WDR27: variants seen among roughly 807,000 people sequenced by gnomAD.
The protein encoded by WDR27 is WD repeat-containing protein 27.
In WDR27, 100 loss-of-function variants were observed where a neutral mutation model predicts 114.4. The ratio of observed to expected loss-of-function variants is 0.87; its 90% CI spans 0.74 to 1.03. WDR27 has a LOEUF of 1.03. Among genes scored for constraint, WDR27 ranks in the 50% least tolerant of loss-of-function variants. WDR27 has a pLI of 0.00. For synonymous variants in WDR27, 449 were observed against 423.1 expected (o/e 1.06, Z -0.75); for missense variants, 1,129 against 1,092.9 (o/e 1.03, Z -0.47).
At chr6:169,686,906 C>A (rs1783120369) in intron 2 of WDR27, among the ~76,000 whole-genome samples, 1 of 152,058 alleles carries the variant, frequency 6.6e-6, no homozygotes, top group African/African-American at 2.4e-5. Flanking sequence ...ACAAATATCA[C>A]ATGTTCTTAC....
At position 169,486,584 on chromosome 6, in the gene WDR27, C is replaced by T. The variant is rs186224598; in HGVS notation, c.2646-28950G>A. Among the ~76,000 whole-genome samples the T allele has an allele frequency of 3.0e-4, 46 of 152,290 alleles. No individual in the cohort carries two copies. In the East Asian group the frequency reaches 6.2e-3, roughly 21 times the overall value. ...TCGGCTCACTGCAACCTCCACCTCC[C>T]GGGTCCAAGCAATTCTCCTGCCTCA... is the stretch of plus-strand genomic sequence containing the variant. On this transcript the variant is annotated intron_variant, in intron 25 of 25. Transcript: ENST00000448612.
chr6:169,656,704 CG>C (rs1033680618), intron 13 of WDR27, among the ~76,000 whole-genome samples: 11 of 152,106 alleles, frequency 7.2e-5, no homozygotes, highest in African/African-American at 2.6e-4. Flanking sequence ...CTCCCAGCTC[CG>C]ACAGCTCCCA....
rs1231089300 is a variant in WDR27 at position 169,659,619 on chromosome 6, C to A, written c.1130-101G>T. The A allele has an allele frequency of 2.7e-6, 3 of 1,114,462 alleles. No homozygotes were observed. Among genetic ancestry groups the A allele is most frequent in the Non-Finnish European group, 3.9e-6 (3 of 759,636 alleles). The allele number at this position is 1,114,462 out of a possible 1,614,324, so 69.0% of individuals were successfully genotyped here. A position where few individuals can be genotyped will look rare whatever the true frequency, so the allele number is the denominator to read the frequency against. ...CCCACCACACACAGCCCAGAGCCCACCACACACAGTCCAGGCCCCACCACA... is the reference window on the plus strand; with the variant it reads ...CCCACCACACACAGCCCAGAGCCCAACACACACAGTCCAGGCCCCACCACA... On this transcript the variant is annotated intron_variant, in intron 10 of 25. Coordinates refer to ENST00000448612, the MANE Select transcript of WDR27 (RefSeq NM_182552.5). The surrounding 1 kb of genome is among the most constrained non-coding windows in gnomAD (Gnocchi z 4.3).
intron 22 of WDR27, among the ~76,000 whole-genome samples, chr6:169,603,126 G>GCC (rs1397207871): frequency 1.4e-5 from 2 of 147,652 alleles, no homozygotes; most frequent in Admixed American, 1.4e-4. Context: ...ACAGGTTTGA[G>GCC]CCACCACACC....
At chr6:169,472,186 T>TA (rs1410068938) in intron 25 of WDR27, among the ~76,000 whole-genome samples, 2 of 151,980 alleles carry the variant, frequency 1.3e-5, no homozygotes, top group African/African-American at 2.4e-5. Context: ...GAATCAAACA[T>TA]AAAAAAAGAG....
chr6:169,529,670 G>A (rs1404985674), intron 25 of WDR27, among the ~76,000 whole-genome samples: 1 of 152,066 alleles, frequency 6.6e-6, no homozygotes, highest in Non-Finnish European at 1.5e-5. Flanking sequence ...ATTTTGGACA[G>A]GCTCATTCAA....
Position 169,613,580 on chromosome 6 carries a change from A to G in WDR27, c.2300T>C (p.Leu767Pro), listed in dbSNP as rs1811125598. 1 of 1,613,748 alleles carries G rather than the reference A, an allele frequency of 6.2e-7. No individual in the cohort carries two copies. Residue 767 changes from leucine (L) to proline (P), a missense_variant, in exon 22 of 26, where the codon CTG becomes CCG. Leu to Pro is a moderately conservative substitution (Grantham distance 98, BLOSUM62 -3). Coordinates refer to ENST00000448612, the MANE Select transcript of WDR27 (RefSeq NM_182552.5). ...TTACCTCAGGGTTCTCAGGTCCCAC[A>G]GTCTCATCCCATCGCCAATGGCCGT... ...LTTAIGDGMR[L>P]WDLRTLRCER...
At position 169,576,002 on chromosome 6, in the gene WDR27, T is replaced by C. The variant is rs146757753; in HGVS notation, c.2524-3462A>G. 2.0e-3 allele frequency among the ~76,000 whole-genome samples: 300 copies of C among 152,374 alleles called. 1 individual carries two copies. Among genetic ancestry groups the C allele is most frequent in the African/African-American group, 6.9e-3 (289 of 41,584 alleles). On this transcript the variant is annotated intron_variant, in intron 24 of 25. Coordinates refer to ENST00000448612, the MANE Select transcript of WDR27 (RefSeq NM_182552.5). ...ATGCGTTCCTGAAGAAGCGTTGCTA[T>C]TTCAGAGACGTGTCTGATAACCATG...
intron 17 of WDR27, among the ~76,000 whole-genome samples, chr6:169,638,916 T>G (rs1355159652): frequency 6.6e-6 from 1 of 152,218 alleles, no homozygotes. Flanking sequence ...TTTTTCAACT[T>G]TTATTTTAGA....
At chr6:169,466,127 T>A (rs964244940) in intron 25 of WDR27, among the ~76,000 whole-genome samples, 6 of 152,170 alleles carry the variant, frequency 3.9e-5, no homozygotes, top group Non-Finnish European at 8.8e-5. Flanking sequence ...AGAACATGGG[T>A]CTCTTGCCCC....
chr6:169,635,882 G>A (rs1418981891), intron 19 of WDR27, among the ~76,000 whole-genome samples: 1 of 152,208 alleles, frequency 6.6e-6, no homozygotes, highest in African/African-American at 2.4e-5. Context: ...GGAGGAAAAA[G>A]GGAAGAGGAC....
the WDR27 span, among the ~76,000 whole-genome samples, chr6:169,450,612 C>T: frequency 2.0e-5 from 3 of 152,198 alleles, no homozygotes; most frequent in African/African-American, 7.2e-5. Flanking sequence ...CACCCATCAC[C>T]CCACAGAACG....
At chr6:169,675,553 T>C (rs1449811639) in intron 2 of WDR27, among the ~76,000 whole-genome samples, 5 of 152,210 alleles carry the variant, frequency 3.3e-5, no homozygotes, top group Admixed American at 6.5e-5. Context: ...AGCTTGGTTT[T>C]ATGTACTTTA....
chr6:169,567,684 G>A (rs375218633), intron 25 of WDR27, among the ~76,000 whole-genome samples: 9 of 152,246 alleles, frequency 5.9e-5, no homozygotes, highest in African/African-American at 2.2e-4. Context: ...GTACTGCCGG[G>A]AAGAAATTTT....
intron 25 of WDR27, among the ~76,000 whole-genome samples, chr6:169,493,109 T>C (rs1216010868): frequency 6.6e-6 from 1 of 151,954 alleles, no homozygotes; most frequent in Non-Finnish European, 1.5e-5. Context: ...ATTAAAAAGG[T>C]TATAAAATTG....
chr6:169,618,462 C>T (rs1812372239), intron 21 of WDR27, among the ~76,000 whole-genome samples: 1 of 151,762 alleles, frequency 6.6e-6, no homozygotes, highest in South Asian at 2.1e-4. Context: ...AATAATATAA[C>T]ACATAAAATA....
At chr6:169,576,766 C>A (rs567777327) in intron 24 of WDR27, among the ~76,000 whole-genome samples, 783 of 137,030 alleles carry the variant, frequency 5.7e-3, no homozygotes, top group East Asian at 0.013. Context: ...CCCTTTCTCA[C>A]AAAAAAAAAA....
intron 24 of WDR27, among the ~76,000 whole-genome samples, chr6:169,581,829 G>A (rs1425754542): frequency 3.9e-5 from 6 of 152,182 alleles, no homozygotes; most frequent in Admixed American, 1.3e-4. Flanking sequence ...CACAAGACAC[G>A]TGTGGAGTGC....
Position 169,602,329 on chromosome 6 carries a change from G to A in WDR27, c.2322-8C>T, listed in dbSNP as rs1357261150. The A allele has an allele frequency of 1.3e-6, 2 of 1,503,716 alleles. No individual in the cohort carries two copies. Among genetic ancestry groups the A allele is most frequent in the South Asian group, 1.2e-5 (1 of 80,024 alleles). 93.1% of individuals were successfully genotyped at this position (1,503,716 alleles called of 1,614,324 possible). The stretch of plus-strand genomic sequence containing the variant: ...TCAAAGTGGCGCTCACACCTACAGG[G>A]AGGAAAGAAACACCAGGAGAAAAAT... On this transcript the variant is annotated splice_region_variant and splice_polypyrimidine_tract_variant and intron_variant, in intron 22 of 25. Transcript: ENST00000448612.
Sources: allele counts gnomAD v4.1 joint callset (sites outside exome capture counted in the v4.1 genomes callset), GRCh38; gene constraint gnomAD v4.1.1; non-coding constraint Gnocchi (gnomAD v3.1); transcripts MANE v1.5; gene names NCBI Gene and HGNC (gene_info 2026-07-23, HGNC 2026-07-21).